RHOBTB3: variants seen among roughly 807,000 people sequenced by gnomAD.
RHOBTB3 encodes rho-related BTB domain-containing protein 3.
A neutral mutation model predicts 67.2 loss-of-function variants in RHOBTB3; 47 were observed. The ratio of observed to expected loss-of-function variants is 0.70; its 90% confidence interval spans 0.55 to 0.89. The LOEUF (loss-of-function observed/expected upper bound fraction) is 0.89, where lower values mean the gene tolerates loss of function less well. Among genes scored for constraint, RHOBTB3 ranks in the 40% least tolerant of loss-of-function variants. The pLI, the probability that RHOBTB3 is intolerant of heterozygous loss-of-function variation, is 0.00. For missense variants in RHOBTB3, 631 were observed against 750.0 expected (o/e 0.84, Z 1.85); for synonymous variants, 273 against 274.2 (o/e 1.00, Z 0.04).
chr5:95,781,895 T>G (rs1746059366), intron 9 of RHOBTB3: 1 of 152,248 alleles, frequency 6.6e-6, no homozygotes, highest in South Asian at 2.1e-4. Context: ...AAAGCATTTG[T>G]TCTTTTTGGA....
intron 1 of RHOBTB3, among the ~76,000 whole-genome samples, chr5:95,722,853 T>G (rs1754931160): frequency 6.6e-6 from 1 of 152,210 alleles, no homozygotes; most frequent in African/African-American, 2.4e-5. Context: ...TTACCAGATT[T>G]CTTTGGAGTT....
Position 95,792,770 on chromosome 5 carries a change from C to T in RHOBTB3, c.1721-289C>T, listed in dbSNP as rs111311053. On this transcript the variant is annotated intron_variant, in intron 11 of 11. Transcript: ENST00000379982. The stretch of plus-strand genomic sequence containing the variant: ...TCACGCCACTGCACTCCAGCCTGGG[C>T]GACAGAATGAGACTCCATCTCAAAA... Among the ~76,000 whole-genome samples, 1,090 of 138,548 alleles carry T rather than the reference C, an allele frequency of 7.9e-3. 14 individuals carry two copies. Among genetic ancestry groups the T allele is most frequent in the African/African-American group, 0.028 (1,044 of 36,740 alleles). 90.9% of individuals were successfully genotyped at this position (138,548 alleles called of 152,430 possible).
At chr5:95,749,031 A>G (rs1321652532) in intron 4 of RHOBTB3, among the ~76,000 whole-genome samples, 1 of 152,212 alleles carries the variant, frequency 6.6e-6, no homozygotes, top group Non-Finnish European at 1.5e-5. Context: ...GCCGTGGCGC[A>G]TATTGGGTTC....
At chr5:95,777,678 T>C (rs529164618) in intron 8 of RHOBTB3, among the ~76,000 whole-genome samples, 8 of 152,360 alleles carry the variant, frequency 5.3e-5, no homozygotes, top group African/African-American at 1.4e-4. Flanking sequence ...ACTAAGGTAT[T>C]GTATTACAGT....
upstream of RHOBTB3, among the ~76,000 whole-genome samples, chr5:95,730,473 A>C (rs1345918772): frequency 6.6e-6 from 1 of 152,214 alleles, no homozygotes. Flanking sequence ...CGTTAGGGAT[A>C]TTCATAGCCT....
At chr5:95,752,568 C>A (rs1327903182) in intron 5 of RHOBTB3, among the ~76,000 whole-genome samples, 2 of 152,160 alleles carry the variant, frequency 1.3e-5, no homozygotes, top group Non-Finnish European at 2.9e-5. Flanking sequence ...AGAAATACTG[C>A]TTTAAAAATT....
chr5:95,781,373 T>G (rs1199489928), intron 9 of RHOBTB3: 1 of 152,262 alleles, frequency 6.6e-6, no homozygotes, highest in African/African-American at 2.4e-5. Flanking sequence ...GCTTTAATTT[T>G]TAGAATGGAA....
chr5:95,731,862 C>T lies in RHOBTB3; in HGVS notation c.6C>T (p.Ser2=), dbSNP rs1229259427. 3 of 1,612,608 alleles carry T rather than the reference C, an allele frequency of 1.9e-6. No homozygotes were observed. The change falls in exon 2 of 12, where the codon TCC becomes TCT. Residue 2 remains serine, a synonymous_variant. Coordinates refer to ENST00000379982, the MANE Select transcript of RHOBTB3 (RefSeq NM_014899.4). ...CTCGCCCCCTCTGTCCGTGCAGGTCCATCCACATCGTGGCGCTGGGGAACG... is the reference window on the plus strand; with the variant it reads ...CTCGCCCCCTCTGTCCGTGCAGGTCTATCCACATCGTGGCGCTGGGGAACG... M[S]IHIVALGNEG...
chr5:95,744,808 C>T (rs554739415), intron 3 of RHOBTB3, among the ~76,000 whole-genome samples: 58 of 152,174 alleles, frequency 3.8e-4, no homozygotes, highest in African/African-American at 1.2e-3. Context: ...CGGTGACTCA[C>T]GCCTGTAATC....
chr5:95,764,379 A>C (rs781733772), intron 7 of RHOBTB3, among the ~76,000 whole-genome samples: 1 of 152,204 alleles, frequency 6.6e-6, no homozygotes, highest in Non-Finnish European at 1.5e-5. Flanking sequence ...TGAGAAATCT[A>C]TTCAACGAGG....
At chr5:95,741,523 GTTT>G (rs70978191) in intron 3 of RHOBTB3, among the ~76,000 whole-genome samples, 1 of 84,848 alleles carries the variant, frequency 1.2e-5, no homozygotes, top group Non-Finnish European at 2.2e-5. Flanking sequence ...CTTTCTTTCT[GTTT>G]TTTTTTTTTT....
intron 8 of RHOBTB3, among the ~76,000 whole-genome samples, chr5:95,774,863 T>C (rs1338433399): frequency 1.3e-5 from 2 of 152,156 alleles, no homozygotes; most frequent in African/African-American, 4.8e-5. Flanking sequence ...TCTGATCCAT[T>C]GAATCTTTTA....
In RHOBTB3 at chr5:95,790,366, A is replaced by T. The variant is rs544048512; in HGVS notation, c.1720+1508A>T. 1.6e-4 allele frequency among the ~76,000 whole-genome samples: 24 copies of T among 152,326 alleles called. No individual in the cohort carries two copies. The East Asian group carries it at 4.6e-3, about 29-fold the overall frequency. On this transcript the variant is annotated intron_variant, in intron 11 of 11. Coordinates refer to ENST00000379982, the MANE Select transcript of RHOBTB3 (RefSeq NM_014899.4). Reference sequence around the variant, plus strand: ...GCACTTTGGTCCTGGAGCCAGTTTCATTATGTTACCTGAGGTCACTCTTAT... The same window carrying T: ...GCACTTTGGTCCTGGAGCCAGTTTCTTTATGTTACCTGAGGTCACTCTTAT...
chr5:95,735,453 T>C (rs1755431970), intron 2 of RHOBTB3, among the ~76,000 whole-genome samples: 1 of 152,070 alleles, frequency 6.6e-6, no homozygotes, highest in South Asian at 2.1e-4. Context: ...CAGAAGGGCA[T>C]TGCTGTGTGA....
Position 95,758,824 on chromosome 5 carries a change from T to C in RHOBTB3, c.1048+3063T>C, listed in dbSNP as rs529498836. The stretch of plus-strand genomic sequence containing the variant: ...TCTGCATTTCCAGTAGTCTCCGAGG[T>C]GGTGCTGGATCTCTGGACTGCCAGA... On this transcript the variant is annotated intron_variant, in intron 6 of 11. Transcript: ENST00000379982. Among the ~76,000 whole-genome samples, 7 of 152,226 alleles carry C rather than the reference T, an allele frequency of 4.6e-5. No homozygotes were observed. In the East Asian group the frequency reaches 1.4e-3, roughly 29 times the overall value.
Position 95,793,188 on chromosome 5 carries a change from T to G in RHOBTB3, c.*14T>G. The G allele has an allele frequency of 6.7e-7, 1 of 1,489,234 alleles. No homozygotes were observed. The highest frequency in any genetic ancestry group is 9.3e-7 in the Non-Finnish European group (1 of 1,076,932). The allele number at this position is 1,489,234 out of a possible 1,614,324, so 92.3% of individuals were successfully genotyped here. On this transcript the variant is annotated 3_prime_UTR_variant, in exon 12 of 12. Coordinates refer to ENST00000379982, the MANE Select transcript of RHOBTB3 (RefSeq NM_014899.4). ...TTAGTAATGTAACCTGGAGCTTTTA[T>G]ACACTACATTTCTTTTTTATTATTA...
chr5:95,741,488 T>C (rs1205369978), intron 3 of RHOBTB3, among the ~76,000 whole-genome samples: 1 of 150,040 alleles, frequency 6.7e-6, no homozygotes, highest in African/African-American at 2.4e-5. Flanking sequence ...TTAGTTGTTA[T>C]ATCTCTCAAT....
chr5:95,784,557 T>G (rs767212753), intron 10 of RHOBTB3, among the ~76,000 whole-genome samples: 1 of 152,026 alleles, frequency 6.6e-6, no homozygotes. Context: ...AAGCTCGGAG[T>G]CTTTTGTTTT....
intron 3 of RHOBTB3, among the ~76,000 whole-genome samples, chr5:95,745,092 A>G (rs185997364): frequency 1.4e-3 from 219 of 152,102 alleles, no homozygotes; most frequent in African/African-American, 5.1e-3. Flanking sequence ...AAATAAATAC[A>G]TAAAAATTTA....
Sources: allele counts gnomAD v4.1 joint callset (sites outside exome capture counted in the v4.1 genomes callset), GRCh38; gene constraint gnomAD v4.1.1; transcripts MANE v1.5; gene names NCBI Gene and HGNC (gene_info 2026-07-23, HGNC 2026-07-21).